DTNA: variants seen among roughly 807,000 people sequenced by gnomAD.
The protein encoded by DTNA is dystrobrevin alpha, also known as dystrophin-related protein 3.
In DTNA, 43 loss-of-function variants were observed where a neutral mutation model predicts 100.7. The observed-to-expected ratio is 0.43, with a 90% confidence interval of 0.33 to 0.55. The LOEUF is 0.55. Among genes scored for constraint, DTNA ranks in the 20% least tolerant of loss-of-function variants. The pLI is 0.04. For missense variants in DTNA, 798 were observed against 953.9 expected, an observed-to-expected ratio of 0.84 and a Z score of 2.15; for synonymous variants, 349 against 347.9, an observed-to-expected ratio of 1.00 and a Z score of -0.04.
intron 1 of DTNA, among the ~76,000 whole-genome samples, chr18:34,614,196 A>G (rs1380470968): frequency 1.3e-5 from 2 of 152,192 alleles, no homozygotes; most frequent in Non-Finnish European, 2.9e-5. Flanking sequence ...AAATATTTTA[A>G]GCCCACTATT....
chr18:34,520,986 A>G (rs1413913579), intron 1 of DTNA, among the ~76,000 whole-genome samples: 2 of 152,220 alleles, frequency 1.3e-5, no homozygotes, highest in Admixed American at 1.3e-4. Context: ...AACAACCACA[A>G]CATAAAAGCC....
In DTNA at chr18:34,867,145, A is replaced by G. The variant is rs1426112163; in HGVS notation, c.1743+3083A>G. ...TTTCCATGGATCAATTAGAACCACA[A>G]CCTGTCCAATTTCAACGTATCTTTC... On this transcript the variant is annotated intron_variant, in intron 17 of 22. Coordinates refer to ENST00000444659, the MANE Select transcript of DTNA (RefSeq NM_001386795.1). 4 of 1,231,156 alleles carry G rather than the reference A, an allele frequency of 3.2e-6. No individual in the cohort carries two copies. The Admixed American group carries it at 1.3e-4, about 39-fold the overall frequency. The allele number at this position is 1,231,156 out of a possible 1,614,324, so 76.3% of individuals were successfully genotyped here. A position where few individuals can be genotyped will look rare whatever the true frequency, so the allele number is the denominator to read the frequency against.
intron 1 of DTNA, among the ~76,000 whole-genome samples, chr18:34,639,817 G>T (rs1280381045): frequency 3.3e-5 from 5 of 152,128 alleles, no homozygotes; most frequent in Non-Finnish European, 7.4e-5. Context: ...TGGAGTCTTA[G>T]TGCTTCTCTC....
chr18:34,524,486 C>G (rs1380617398), intron 1 of DTNA, among the ~76,000 whole-genome samples: 2 of 152,164 alleles, frequency 1.3e-5, no homozygotes, highest in East Asian at 3.9e-4. Flanking sequence ...AGTCAGCTCA[C>G]TTAAAGAAAC....
At chr18:34,726,144 G>A (rs2086632573) in intron 1 of DTNA, among the ~76,000 whole-genome samples, 2 of 152,138 alleles carry the variant, frequency 1.3e-5, no homozygotes, top group East Asian at 1.9e-4. Context: ...AATACCTAAT[G>A]TAAATGACGA....
chr18:34,771,760 A>G (rs1298004225), intron 3 of DTNA, among the ~76,000 whole-genome samples: 1 of 152,218 alleles, frequency 6.6e-6, no homozygotes, highest in African/African-American at 2.4e-5. Context: ...CTTTCTAATC[A>G]GTAGTCTTCT....
chr18:34,639,682 A>G (rs1430522988), intron 1 of DTNA, among the ~76,000 whole-genome samples: 1 of 152,242 alleles, frequency 6.6e-6, no homozygotes, highest in Non-Finnish European at 1.5e-5. Flanking sequence ...AGCTATAAAC[A>G]CAGCTCTTCC....
chr18:34,584,708 A>G (rs1325150246), intron 1 of DTNA, among the ~76,000 whole-genome samples: 1 of 152,220 alleles, frequency 6.6e-6, no homozygotes, highest in Non-Finnish European at 1.5e-5. Context: ...TGAATTTCAA[A>G]TATAATCAAC....
At chr18:34,612,521 T>C (rs1530101) in intron 1 of DTNA, among the ~76,000 whole-genome samples, 41,125 of 152,010 alleles carry the variant, frequency 0.27, 7,602 homozygotes, top group African/African-American at 0.52. Context: ...GAAGGGGCCC[T>C]GGCACCCACA....
At chr18:34,496,960 C>T (rs1568535871) in intron 1 of DTNA, among the ~76,000 whole-genome samples, 1 of 152,208 alleles carries the variant, frequency 6.6e-6, no homozygotes, top group South Asian at 2.1e-4. Flanking sequence ...TACTATTTCA[C>T]CTCATTATCC....
chr18:34,841,469 T>A (rs1270629357), intron 13 of DTNA, among the ~76,000 whole-genome samples: 1 of 152,200 alleles, frequency 6.6e-6, no homozygotes, highest in Non-Finnish European at 1.5e-5. Context: ...TCATGTTAAT[T>A]GTAAGCTTCA....
chr18:34,777,703 A>C (rs7244582), intron 3 of DTNA, among the ~76,000 whole-genome samples: 5,969 of 152,212 alleles, frequency 0.039, 332 homozygotes, highest in African/African-American at 0.12. Context: ...ACTACCAAAC[A>C]CTTATAAAAC....
At chr18:34,844,598 C>T (rs1407964650) in intron 13 of DTNA, among the ~76,000 whole-genome samples, 1 of 147,858 alleles carries the variant, frequency 6.8e-6, no homozygotes, top group Non-Finnish European at 1.5e-5. Flanking sequence ...AACTCGATGG[C>T]CTTCTAAATT....
chr18:34,864,248 CTTT>C (rs555273655), intron 17 of DTNA, among the ~76,000 whole-genome samples, 186 bp downstream of exon 17: 1 of 127,414 alleles, frequency 7.8e-6, no homozygotes, highest in Non-Finnish European at 1.6e-5. Flanking sequence ...AGAACACATT[CTTT>C]TTTTTTTTTT....
intron 9 of DTNA, among the ~76,000 whole-genome samples, chr18:34,823,184 A>G (rs998514353): frequency 2.0e-5 from 3 of 152,222 alleles, no homozygotes; most frequent in African/African-American, 7.2e-5. Flanking sequence ...ATTCTAAATT[A>G]TCATAGGCAC....
chr18:34,665,381 T>G lies in DTNA; in HGVS notation c.-1-90595T>G, dbSNP rs144429849. Among the ~76,000 whole-genome samples the G allele has an allele frequency of 5.7e-3, 873 of 152,258 alleles. 5 individuals carry two copies. The highest frequency in any genetic ancestry group is 0.02 in the African/African-American group (815 of 41,552). ...TACAAATTTTTTATGAAAACAAGAT[T>G]TATGATTGGGGTTTAATGCATATTA... is the stretch of plus-strand genomic sequence containing the variant. On this transcript the variant is annotated intron_variant, in intron 1 of 19. Coordinates refer to the DTNA transcript ENST00000283365.
chr18:34,799,930 C>T (rs1424997516), intron 4 of DTNA, among the ~76,000 whole-genome samples: 2 of 152,262 alleles, frequency 1.3e-5, no homozygotes, highest in South Asian at 2.1e-4. Flanking sequence ...GAGTACTTTT[C>T]CCAGATGTTT....
At chr18:34,856,461 T>C (rs1427461877) in intron 15 of DTNA, among the ~76,000 whole-genome samples, 2 of 152,254 alleles carry the variant, frequency 1.3e-5, no homozygotes, top group African/African-American at 4.8e-5. Context: ...TATAGCACCT[T>C]TGGTGGAGCC....
At chr18:34,596,117 C>T (rs1009787139) in intron 1 of DTNA, among the ~76,000 whole-genome samples, 1 of 152,168 alleles carries the variant, frequency 6.6e-6, no homozygotes, top group Admixed American at 6.5e-5. Flanking sequence ...TAAAAGTGAC[C>T]TCACCTCTCT....
Sources: allele counts gnomAD v4.1 joint callset (sites outside exome capture counted in the v4.1 genomes callset), GRCh38; gene constraint gnomAD v4.1.1; transcripts MANE v1.5; gene names NCBI Gene and HGNC (gene_info 2026-07-23, HGNC 2026-07-21).